Variants in USP10 observed in about 807,000 individuals in gnomAD.
USP10 encodes the protein ubiquitin carboxyl-terminal hydrolase 10.
Under a neutral mutation model 84.5 loss-of-function variants are expected in USP10, and 22 were observed. The observed-to-expected ratio is 0.26, with a 90% CI of 0.19 to 0.37. USP10 has a LOEUF of 0.37. USP10 is among the 10% of genes least tolerant of loss of function. The probability of loss-of-function intolerance (pLI) is 1.00; values close to 1 mark genes in which losing one functional copy is unlikely to be tolerated. For synonymous variants in USP10, 454 were observed against 387.6 expected (o/e 1.17, Z -2.01); for missense variants, 1,019 against 998.9 (o/e 1.02, Z -0.27).
intron 10 of USP10, among the ~76,000 whole-genome samples, chr16:84,764,792 TGCACTCCA>T (rs932846295): frequency 1.3e-5 from 2 of 150,748 alleles, no homozygotes; most frequent in African/African-American, 4.9e-5. Flanking sequence ...ATAGCGCCAT[TGCACTCCA>T]GCATGGGTGA....
At chr16:84,763,410 G>GTATA (rs765906474) in intron 9 of USP10, among the ~76,000 whole-genome samples, 1 of 151,636 alleles carries the variant, frequency 6.6e-6, no homozygotes, top group African/African-American at 2.4e-5. Flanking sequence ...CACACACTGT[G>GTATA]TATATATATA....
chr16:84,749,402 A>T (rs892250896), intron 4 of USP10, among the ~76,000 whole-genome samples: 1 of 152,206 alleles, frequency 6.6e-6, no homozygotes, highest in African/African-American at 2.4e-5. Context: ...TTCTACTGAG[A>T]CAGTGGTATT....
chr16:84,715,978 G>A (rs1906962228), intron 1 of USP10, among the ~76,000 whole-genome samples: 1 of 152,152 alleles, frequency 6.6e-6, no homozygotes, highest in Non-Finnish European at 1.5e-5. Flanking sequence ...AGAATTTTAG[G>A]CAGTGTCCTG....
At chr16:84,722,148 T>C (rs1035953401) in intron 1 of USP10, among the ~76,000 whole-genome samples, 1 of 152,258 alleles carries the variant, frequency 6.6e-6, no homozygotes. Context: ...TCTGTCACTA[T>C]AGGCTAAGAA....
chr16:84,744,027 G>T (rs539575234), intron 3 of USP10, among the ~76,000 whole-genome samples: 4 of 151,696 alleles, frequency 2.6e-5, no homozygotes, highest in Admixed American at 1.3e-4. Flanking sequence ...TCTGAAGTGC[G>T]CTTTTATATA....
At position 84,700,075 on chromosome 16, in the gene USP10, A is replaced by G. The variant is rs1446868310; in HGVS notation, c.-16A>G. On this transcript the variant is annotated 5_prime_UTR_variant, in exon 1 of 14. Transcript: ENST00000219473. ...AGCAGCCGGAGGATCGCGGAGTCCCAATGAAACGGGCAGCCATGGCCCTCC... is the reference window on the plus strand; with the variant it reads ...AGCAGCCGGAGGATCGCGGAGTCCCGATGAAACGGGCAGCCATGGCCCTCC... 7.3e-7 allele frequency: 1 copy of G among 1,373,654 alleles called. No individual in the cohort carries two copies. Among genetic ancestry groups the G allele is most frequent in the Non-Finnish European group, 9.6e-7 (1 of 1,043,576 alleles). 85.1% of individuals were successfully genotyped at this position (1,373,654 alleles called of 1,614,324 possible). A position where few individuals can be genotyped will look rare whatever the true frequency, so the allele number is the denominator to read the frequency against.
At chr16:84,741,720 G>C (rs547630530) in intron 3 of USP10, among the ~76,000 whole-genome samples, 5 of 152,190 alleles carry the variant, frequency 3.3e-5, no homozygotes, top group Admixed American at 1.3e-4. Context: ...AGTTTGCACA[G>C]TTAGTGACAG....
At chr16:84,732,444 C>CTTTTTTTTTTT in intron 1 of USP10, 1 of 318,016 alleles carries the variant, frequency 3.1e-6, no homozygotes, top group South Asian at 2.4e-5. Context: ...TCTTCTTCTT[C>CTTTTTTTTTTT]TTTTTTTTTT....
chr16:84,707,743 C>T (rs568072319), intron 1 of USP10, among the ~76,000 whole-genome samples: 2 of 152,222 alleles, frequency 1.3e-5, no homozygotes, highest in African/African-American at 4.8e-5. Flanking sequence ...GCTGCCACAA[C>T]TTATAACATG....
chr16:84,757,446 T>TGTGTG (rs1597376680), intron 4 of USP10, among the ~76,000 whole-genome samples: 7 of 150,518 alleles, frequency 4.7e-5, no homozygotes, highest in African/African-American at 7.3e-5. Context: ...TGTGTGTGTG[T>TGTGTG]TTTGAATTTT....
At chr16:84,764,745 C>T (rs180833857) in intron 10 of USP10, among the ~76,000 whole-genome samples, 35 of 151,820 alleles carry the variant, frequency 2.3e-4, no homozygotes, top group African/African-American at 3.1e-4. Context: ...GCAGGAGAAT[C>T]GCTTGAACCC....
rs1380755436 is a variant in USP10 at position 84,700,031 on chromosome 16, C to T, written c.-60C>T. 1.7e-5 allele frequency: 23 copies of T among 1,334,384 alleles called. No homozygotes were observed. Among genetic ancestry groups the T allele is most frequent in the Non-Finnish European group, 2.1e-5 (21 of 1,018,404 alleles). The allele number at this position is 1,334,384 out of a possible 1,614,324, so 82.7% of individuals were successfully genotyped here. ...GTATGTGCGGGCGAGAAGATGGCGGCGGCGGGGGAAGCAGCGTGAGCAGCC... is the reference window on the plus strand; with the variant it reads ...GTATGTGCGGGCGAGAAGATGGCGGTGGCGGGGGAAGCAGCGTGAGCAGCC... On this transcript the variant is annotated 5_prime_UTR_variant, in exon 1 of 14. Transcript: ENST00000219473.
intron 12 of USP10, among the ~76,000 whole-genome samples, chr16:84,774,638 T>C (rs1181614636): frequency 6.6e-6 from 1 of 151,664 alleles, no homozygotes; most frequent in Non-Finnish European, 1.5e-5. Flanking sequence ...GCCCGGGTAA[T>C]TTTTTGTATT....
chr16:84,711,990 G>A (rs572987255), intron 1 of USP10, among the ~76,000 whole-genome samples: 4 of 152,210 alleles, frequency 2.6e-5, no homozygotes, highest in African/African-American at 4.8e-5. Context: ...AATGTACTGG[G>A]GTTACAGGCA....
chr16:84,721,329 T>G (rs1907785425), intron 1 of USP10, among the ~76,000 whole-genome samples: 1 of 152,204 alleles, frequency 6.6e-6, no homozygotes, highest in Admixed American at 6.5e-5. Flanking sequence ...GATGAGAGAT[T>G]AACAAATAGA....
rs544652587 is a variant in USP10 at position 84,740,335 on chromosome 16, G to A, written c.117G>A (p.Leu39=). Residue 39 remains leucine (L), a synonymous_variant, in exon 3 of 14, where the codon CTG becomes CTA. Transcript: ENST00000219473. ...VELPPYSGTV[L]CGTQAVDKLP... ...TTCCTCCATACAGTGGAACAGTTCTGTGTGGCACACAGGCTGTGGATAAAC... is the reference window on the plus strand; with the variant it reads ...TTCCTCCATACAGTGGAACAGTTCTATGTGGCACACAGGCTGTGGATAAAC... The A allele has an allele frequency of 6.2e-7, 1 of 1,613,182 alleles. No individual in the cohort carries two copies. The highest frequency in any genetic ancestry group is 8.5e-7 in the Non-Finnish European group (1 of 1,179,476).
intron 2 of USP10, among the ~76,000 whole-genome samples, chr16:84,739,267 T>C (rs1910333205): frequency 1.3e-5 from 2 of 150,622 alleles, no homozygotes; most frequent in Admixed American, 1.3e-4. Flanking sequence ...GTTTTTTTTT[T>C]GTTTTGTTTT....
At chr16:84,708,758 A>G (rs1346509824) in intron 1 of USP10, 5 of 152,216 alleles carry the variant, frequency 3.3e-5, no homozygotes, top group Non-Finnish European at 7.3e-5. Flanking sequence ...AGAATGCAAA[A>G]TCGGGGCTTC....
intron 11 of USP10, among the ~76,000 whole-genome samples, chr16:84,771,214 C>G (rs1220228672): frequency 6.6e-6 from 1 of 152,170 alleles, no homozygotes; most frequent in Non-Finnish European, 1.5e-5. Context: ...TGTGAAAGTA[C>G]TTCAGGAACA....
Sources: gnomAD v4.1 joint callset for allele counts (sites outside exome capture counted in the v4.1 genomes callset) on GRCh38, gnomAD v4.1.1 for gene constraint, MANE v1.5 for transcripts, NCBI Gene and HGNC (gene_info 2026-07-23, HGNC 2026-07-21) for gene names.